Variants in SMOC1 observed in about 807,000 individuals in gnomAD.
SMOC1 encodes the protein SPARC-related modular calcium-binding protein 1.
A neutral mutation model predicts 56.3 loss-of-function variants in SMOC1; 22 were observed. That is an observed-to-expected ratio of 0.39 (90% CI 0.28 to 0.56). SMOC1 has a LOEUF of 0.56. Among genes scored for constraint, SMOC1 ranks in the 20% least tolerant of loss-of-function variants. SMOC1 has a pLI of 0.61. For missense variants in SMOC1, 509 were observed against 565.4 expected, an observed-to-expected ratio of 0.90 and a Z score of 1.01; for synonymous variants, 193 against 215.0, an observed-to-expected ratio of 0.90 and a Z score of 0.89.
chr14:70,013,486 T>C lies in SMOC1; in HGVS notation c.1041T>C (p.Gly347=). The C allele has an allele frequency of 6.2e-7, 1 of 1,613,594 alleles. No homozygotes were observed. The highest frequency in any genetic ancestry group is 8.5e-7 in the Non-Finnish European group (1 of 1,179,844). ...TTAACTCAGCAGCGCCCACTGGAGG[T>C]GGGAGGTGAGATTGTGAGCAGGAAT... ...QAINSAAPTG[G]GRFSEPDPSH... is the part of the protein sequence containing the mutation. The change falls in exon 10 of 12, where the codon GGT becomes GGC. Residue 347 remains glycine, a synonymous_variant. Transcript: ENST00000361956.
chr14:69,901,685 T>A (rs543258945), intron 1 of SMOC1, among the ~76,000 whole-genome samples: 5 of 152,258 alleles, frequency 3.3e-5, no homozygotes, highest in South Asian at 2.1e-4. Flanking sequence ...TGAAGAATTG[T>A]GCAAGTGCAT....
At chr14:70,020,870 G>C (rs985592917) in intron 10 of SMOC1, among the ~76,000 whole-genome samples, 5 of 152,172 alleles carry the variant, frequency 3.3e-5, no homozygotes, top group Admixed American at 3.3e-4. Context: ...ACTGCTTCTT[G>C]CTGCAAAATA....
At chr14:70,027,866 G>A (rs997496521) in intron 11 of SMOC1, among the ~76,000 whole-genome samples, 8 of 152,172 alleles carry the variant, frequency 5.3e-5, no homozygotes, top group Non-Finnish European at 1.2e-4. Context: ...GAAGGTATGA[G>A]TTTCAGAACT....
chr14:69,999,419 C>T (rs962927106), intron 7 of SMOC1, among the ~76,000 whole-genome samples: 5 of 152,286 alleles, frequency 3.3e-5, no homozygotes, highest in East Asian at 1.9e-4. Flanking sequence ...GGGAAACCAG[C>T]GGTAGCCGTC....
intron 3 of SMOC1, among the ~76,000 whole-genome samples, chr14:69,959,182 T>G (rs1883287581): frequency 6.6e-6 from 1 of 152,212 alleles, no homozygotes; most frequent in African/African-American, 2.4e-5. Flanking sequence ...ATTATGGGCT[T>G]ATTTCCCAGT....
chr14:69,960,132 G>A (rs1386968707), intron 3 of SMOC1, among the ~76,000 whole-genome samples: 1 of 152,218 alleles, frequency 6.6e-6, no homozygotes, highest in Non-Finnish European at 1.5e-5. Flanking sequence ...GGCCTGGACT[G>A]ATGAAACATT....
chr14:69,932,875 C>T (rs533023621), intron 1 of SMOC1, among the ~76,000 whole-genome samples: 6 of 152,146 alleles, frequency 3.9e-5, no homozygotes, highest in South Asian at 4.2e-4. Flanking sequence ...TTCTGTAAGC[C>T]GATGAGACAT....
At chr14:69,998,641 G>T (rs1884860650) in intron 7 of SMOC1, among the ~76,000 whole-genome samples, 1 of 151,984 alleles carries the variant, frequency 6.6e-6, no homozygotes, top group South Asian at 2.1e-4. Flanking sequence ...TTACATCTTT[G>T]TTTCTATATG....
Position 70,023,433 on chromosome 14 carries a change from G to C in SMOC1, c.1277G>C (p.Gly426Ala). Residue 426 changes from glycine (G) to alanine (A), a missense_variant, in exon 11 of 12, where the codon GGT (glycine) becomes GCT (alanine). This residue lies in a region of SMOC1 where 176 missense variants were observed against 188.1 expected (regional missense o/e 0.94). Transcript: ENST00000361956. ...CTGCCTGAGCTGAAGGGCTGCCTGG[G>C]TGTTAGCAAAGAAGGTGAGTGCTCT... ...ISLPELKGCL[G>A]VSKEVGRLV The C allele has an allele frequency of 6.2e-7, 1 of 1,613,934 alleles. No homozygotes were observed. The highest frequency in any genetic ancestry group is 1.1e-5 in the South Asian group (1 of 91,074).
At position 69,886,233 on chromosome 14, in the gene SMOC1, C is replaced by T; in HGVS notation, c.99+6456C>T. The T allele has an allele frequency of 1.8e-5, 12 of 669,768 alleles. No individual in the cohort carries two copies. The South Asian group carries it at 2.2e-4, about 12-fold the overall frequency. 41.5% of individuals were successfully genotyped at this position (669,768 alleles called of 1,614,324 possible). A position where few individuals can be genotyped will look rare whatever the true frequency, so the allele number is the denominator to read the frequency against. ...GTATTAATCCTCCTGCAGTGAGCAT[C>T]TTAATATCAGGCCAGCATCTTCCTC... is the stretch of plus-strand genomic sequence containing the variant. On this transcript the variant is annotated intron_variant, in intron 1 of 11. Transcript: ENST00000361956.
chr14:69,990,007 T>C (rs915522058), intron 5 of SMOC1, among the ~76,000 whole-genome samples: 1 of 152,206 alleles, frequency 6.6e-6, no homozygotes, highest in Non-Finnish European at 1.5e-5. Flanking sequence ...AAGATTTCCA[T>C]TTAGGACCTC....
At chr14:69,972,947 A>T (rs769747488) in intron 3 of SMOC1, among the ~76,000 whole-genome samples, 3 of 152,214 alleles carry the variant, frequency 2.0e-5, no homozygotes, top group Non-Finnish European at 4.4e-5. Flanking sequence ...ACTTGAGGGC[A>T]CAGTCCTCAT....
intron 1 of SMOC1, among the ~76,000 whole-genome samples, chr14:69,920,669 G>C (rs570035717): frequency 1.2e-3 from 178 of 152,326 alleles, no homozygotes; most frequent in Non-Finnish European, 2.0e-3. Context: ...AGTCTGGTGG[G>C]GGGGAGGCAA....
chr14:70,017,363 T>C (rs1885555595), intron 10 of SMOC1, among the ~76,000 whole-genome samples: 1 of 152,162 alleles, frequency 6.6e-6, no homozygotes, highest in Non-Finnish European at 1.5e-5. Context: ...ATGAGGCAGC[T>C]GGAGGTCAGG....
intron 3 of SMOC1, among the ~76,000 whole-genome samples, chr14:69,970,390 G>A (rs1883716004): frequency 6.6e-6 from 1 of 152,180 alleles, no homozygotes; most frequent in African/African-American, 2.4e-5. Context: ...GTTTGGGTTA[G>A]ATTGGTGACC....
chr14:69,887,940 A>C (rs1017913539), intron 1 of SMOC1, among the ~76,000 whole-genome samples: 1 of 151,884 alleles, frequency 6.6e-6, no homozygotes, highest in Non-Finnish European at 1.5e-5. Flanking sequence ...ACCTCCCCTC[A>C]CCGCCTTTTG....
At chr14:69,979,796 C>T (rs1397843496) in intron 5 of SMOC1, among the ~76,000 whole-genome samples, 2 of 152,084 alleles carry the variant, frequency 1.3e-5, no homozygotes, top group Admixed American at 6.6e-5. Flanking sequence ...AGGAACATCA[C>T]CTTTATTCCT....
At chr14:69,924,250 T>C in intron 1 of SMOC1, among the ~76,000 whole-genome samples, 1 of 152,204 alleles carries the variant, frequency 6.6e-6, no homozygotes, top group East Asian at 1.9e-4. Flanking sequence ...GCAGATCCTG[T>C]TGACCTCACC....
chr14:69,954,480 A>G (rs952078370), intron 3 of SMOC1, among the ~76,000 whole-genome samples: 1 of 152,214 alleles, frequency 6.6e-6, no homozygotes, highest in African/African-American at 2.4e-5. Context: ...GGCACAGACT[A>G]TTTCTAAAAC....
Sources: gnomAD v4.1 joint callset for allele counts (sites outside exome capture counted in the v4.1 genomes callset) on GRCh38, gnomAD v4.1.1 for gene constraint, gnomAD v4.1.1 regional missense constraint, MANE v1.5 for transcripts, NCBI Gene and HGNC (gene_info 2026-07-23, HGNC 2026-07-21) for gene names.